The following RAP1GAP2 variants were observed in gnomAD, a reference collection of about 807,000 sequenced individuals.
RAP1GAP2 encodes the protein rap1 GTPase-activating protein 2.
Under a neutral mutation model 95.0 loss-of-function variants are expected in RAP1GAP2, and 27 were observed. The ratio of observed to expected loss-of-function variants is 0.28; its 90% confidence interval spans 0.21 to 0.39. RAP1GAP2 has a LOEUF of 0.39. Among genes scored for constraint, RAP1GAP2 ranks in the 10% least tolerant of loss-of-function variants. RAP1GAP2 has a pLI of 1.00. For missense variants in RAP1GAP2, 771 were observed against 970.0 expected, an observed-to-expected ratio of 0.79 and a Z score of 2.72; for synonymous variants, 373 against 380.9, an observed-to-expected ratio of 0.98 and a Z score of 0.24.
At chr17:2,946,830 C>G (rs2043713592) in intron 3 of RAP1GAP2, among the ~76,000 whole-genome samples, 1 of 152,228 alleles carries the variant, frequency 6.6e-6, no homozygotes, top group African/African-American at 2.4e-5. Flanking sequence ...TCTCGGCTCA[C>G]TGCAACCTCC....
chr17:2,780,548 A>G (rs2068621619), intron 1 of RAP1GAP2, among the ~76,000 whole-genome samples: 1 of 152,130 alleles, frequency 6.6e-6, no homozygotes, highest in South Asian at 2.1e-4. Flanking sequence ...ATCTCTGAGC[A>G]ATGTGCACCC....
At chr17:2,824,127 A>G (rs1297708749) in intron 2 of RAP1GAP2, among the ~76,000 whole-genome samples, 1 of 147,886 alleles carries the variant, frequency 6.8e-6, no homozygotes, top group Non-Finnish European at 1.5e-5. Flanking sequence ...TCTCAAAAAA[A>G]AAAAAAAAAG....
At chr17:2,811,902 G>A (rs1011260960) in intron 2 of RAP1GAP2, among the ~76,000 whole-genome samples, 7 of 151,794 alleles carry the variant, frequency 4.6e-5, no homozygotes, top group African/African-American at 1.4e-4. Flanking sequence ...TTTACTAGAG[G>A]CGAGGTTTCA....
intron 13 of RAP1GAP2, 126 bp from the exon 14 acceptor site, chr17:2,998,095 C>T: frequency 9.0e-7 from 1 of 1,111,852 alleles, no homozygotes; most frequent in Admixed American, 2.1e-5. Context: ...AAAACAACAA[C>T]CACGAACTCT....
intron 3 of RAP1GAP2, among the ~76,000 whole-genome samples, chr17:2,942,973 T>A (rs964921202): frequency 2.0e-5 from 3 of 152,114 alleles, no homozygotes; most frequent in African/African-American, 7.2e-5. Context: ...TTCACCATGT[T>A]GGTCAGGCTG....
chr17:2,804,057 G>A (rs2069410880), intron 2 of RAP1GAP2, among the ~76,000 whole-genome samples: 1 of 152,196 alleles, frequency 6.6e-6, no homozygotes, highest in African/African-American at 2.4e-5. Flanking sequence ...CACTGTTGGG[G>A]CTCCTGAGTC....
chr17:2,955,042 G>A (rs9896069), intron 3 of RAP1GAP2, among the ~76,000 whole-genome samples: 225 of 152,314 alleles, frequency 1.5e-3, no homozygotes, highest in African/African-American at 4.5e-3. Context: ...GGACATTTGG[G>A]TTGTACCCAC....
chr17:2,969,587 C>A (rs893100300), intron 8 of RAP1GAP2, among the ~76,000 whole-genome samples: 2 of 139,656 alleles, frequency 1.4e-5, no homozygotes, highest in Non-Finnish European at 3.0e-5. Flanking sequence ...TTGCAACCTG[C>A]AACTCCCAGG....
At chr17:2,956,147 G>A (rs751755791) in intron 3 of RAP1GAP2, among the ~76,000 whole-genome samples, 7 of 152,220 alleles carry the variant, frequency 4.6e-5, no homozygotes, top group Non-Finnish European at 8.8e-5. Context: ...AGAATGCCCC[G>A]CGTGGGTGGT....
intron 3 of RAP1GAP2, among the ~76,000 whole-genome samples, chr17:2,944,804 T>C (rs568937700): frequency 1.1e-4 from 16 of 152,324 alleles, no homozygotes; most frequent in Admixed American, 3.9e-4. Context: ...TTAATGTCAT[T>C]GGGCAATGTT....
At chr17:2,980,740 A>G (rs921898593) in intron 9 of RAP1GAP2, among the ~76,000 whole-genome samples, 31 of 152,136 alleles carry the variant, frequency 2.0e-4, no homozygotes, top group Non-Finnish European at 1.0e-4. Flanking sequence ...CCTTCACAGC[A>G]GAGGAAAGGG....
At chr17:2,795,125 G>A (rs566885824), upstream of RAP1GAP2, among the ~76,000 whole-genome samples, 13 of 151,744 alleles carry the variant, frequency 8.6e-5, no homozygotes, top group South Asian at 2.5e-3. Context: ...TGATCCACCC[G>A]CGTTGGCCTC....
chr17:2,846,361 AC>A (rs1476052322), intron 2 of RAP1GAP2, among the ~76,000 whole-genome samples: 1 of 152,022 alleles, frequency 6.6e-6, no homozygotes, highest in East Asian at 1.9e-4. Flanking sequence ...GGGATGTACC[AC>A]AGCTTGTTGA....
chr17:3,020,680 T>C, intron 19 of RAP1GAP2, 85 bp downstream of exon 19: 1 of 1,224,970 alleles, frequency 8.2e-7, no homozygotes, highest in Non-Finnish European at 1.2e-6. Context: ...GTGCCCTACC[T>C]TGCAGGGAGG....
At chr17:2,979,569 C>T (rs892206607) in intron 8 of RAP1GAP2, among the ~76,000 whole-genome samples, 2 of 148,578 alleles carry the variant, frequency 1.3e-5, no homozygotes, top group Non-Finnish European at 1.5e-5. Context: ...TGGGTTCAAG[C>T]GATTCTCCTG....
chr17:2,916,305 A>G (rs2042564831), intron 3 of RAP1GAP2, among the ~76,000 whole-genome samples: 1 of 151,942 alleles, frequency 6.6e-6, no homozygotes, highest in Non-Finnish European at 1.5e-5. Context: ...CCCGTGGCAG[A>G]TACTGGTAAT....
chr17:2,928,831 G>A (rs990744079), intron 3 of RAP1GAP2, among the ~76,000 whole-genome samples: 1 of 152,208 alleles, frequency 6.6e-6, no homozygotes, highest in South Asian at 2.1e-4. Flanking sequence ...AGGGGTGGGG[G>A]TGCCTGTTAT....
At chr17:2,872,802 G>T (rs2072902530) in intron 2 of RAP1GAP2, among the ~76,000 whole-genome samples, 1 of 151,888 alleles carries the variant, frequency 6.6e-6, no homozygotes, top group Admixed American at 6.6e-5. Context: ...TCCTGCCTCA[G>T]CCTCCTCACA....
chr17:2,922,392 A>G (rs2042809311), intron 3 of RAP1GAP2, among the ~76,000 whole-genome samples: 1 of 152,122 alleles, frequency 6.6e-6, no homozygotes, highest in Non-Finnish European at 1.5e-5. Flanking sequence ...CTTTTTCCGA[A>G]TAAGGTTACA....
Sources: gnomAD v4.1 joint callset for allele counts (sites outside exome capture counted in the v4.1 genomes callset) on GRCh38, gnomAD v4.1.1 for gene constraint, MANE v1.5 for transcripts, NCBI Gene and HGNC (gene_info 2026-07-23, HGNC 2026-07-21) for gene names.